SRCIN1: variants seen among roughly 807,000 people sequenced by gnomAD.
SRCIN1 encodes the protein P130Cas-associated protein.
A neutral mutation model predicts 116.2 loss-of-function variants in SRCIN1; 50 were observed. That is an observed-to-expected ratio of 0.43 (90% CI 0.34 to 0.54). SRCIN1 has a LOEUF of 0.54. Among genes scored for constraint, SRCIN1 ranks in the 20% least tolerant of loss-of-function variants. SRCIN1 has a pLI of 0.02. For synonymous variants in SRCIN1, 736 were observed against 750.0 expected, an observed-to-expected ratio of 0.98 and a Z score of 0.30; for missense variants, 1,446 against 1,672.0, an observed-to-expected ratio of 0.86 and a Z score of 2.36.
At chr17:38,588,545 G>A (rs540513643) in intron 1 of SRCIN1, among the ~76,000 whole-genome samples, 5 of 143,094 alleles carry the variant, frequency 3.5e-5, no homozygotes, top group African/African-American at 9.1e-5. Flanking sequence ...GAGGAAGGCC[G>A]GTGCCTGTCC....
intron 1 of SRCIN1, among the ~76,000 whole-genome samples, chr17:38,592,403 T>A (rs62077541): frequency 0.037 from 5,573 of 152,236 alleles, 103 homozygotes; most frequent in Non-Finnish European, 0.045. Context: ...AACCAGGTGG[T>A]CACCAGCCAC....
intron 18 of SRCIN1, among the ~76,000 whole-genome samples, chr17:38,537,594 A>C (rs1325148195): frequency 6.6e-6 from 1 of 152,040 alleles, no homozygotes; most frequent in Non-Finnish European, 1.5e-5. Context: ...GATCGAGACC[A>C]TCCTGGCTAA....
Position 38,604,368 on chromosome 17 carries a change from G to A in SRCIN1, c.22+1316C>T, listed in dbSNP as rs1909230426. On this transcript the variant is annotated intron_variant, in intron 1 of 18. Transcript: ENST00000617146. This position sits in a 1 kb window ranked among gnomAD's most constrained non-coding sequence, Gnocchi z 4.3. ...CAGAAACCCCCACCCCCAGCTCGGG[G>A]AGCCCACTTTCCTTAAAGTTGGGGT... 6.4e-6 allele frequency: 2 copies of A among 313,318 alleles called. No individual in the cohort carries two copies. Among genetic ancestry groups the A allele is most frequent in the Admixed American group, 9.2e-5 (2 of 21,856 alleles). 19.4% of individuals were successfully genotyped at this position (313,318 alleles called of 1,614,324 possible). A position where few individuals can be genotyped will look rare whatever the true frequency, so the allele number is the denominator to read the frequency against.
At position 38,584,427 on chromosome 17, in the gene SRCIN1, G is replaced by A. The variant is rs1159986237; in HGVS notation, c.23-5636C>T. On this transcript the variant is annotated intron_variant, in intron 1 of 18. Coordinates refer to ENST00000617146, the MANE Select transcript of SRCIN1 (RefSeq NM_025248.3). ...GAATCCGAATGAGGGGAAGGGCAGG[G>A]TGAGGAAGGCGGGTTCTGCCACCCT... 2.6e-5 allele frequency among the ~76,000 whole-genome samples: 4 copies of A among 152,250 alleles called. No individual in the cohort carries two copies. The East Asian group carries it at 7.7e-4, about 29-fold the overall frequency.
chr17:38,596,641 C>T (rs1182980810), intron 1 of SRCIN1, among the ~76,000 whole-genome samples: 1 of 152,084 alleles, frequency 6.6e-6, no homozygotes, highest in Non-Finnish European at 1.5e-5. Context: ...TGCCATCATT[C>T]CCCTGGTGAC....
Position 38,533,265 on chromosome 17 carries a change from G to T in SRCIN1, c.*32C>A. On this transcript the variant is annotated 3_prime_UTR_variant, in exon 19 of 19. Coordinates refer to ENST00000617146, the MANE Select transcript of SRCIN1 (RefSeq NM_025248.3). Reference sequence around the variant, plus strand: ...GGGAGAAATGGCAGGAGTGAGGGAGGGGGACAGGCGGGGCAGCGGGGTGAG... The same window carrying T: ...GGGAGAAATGGCAGGAGTGAGGGAGTGGGACAGGCGGGGCAGCGGGGTGAG... 6.5e-7 allele frequency: 1 copy of T among 1,531,706 alleles called. No individual in the cohort carries two copies. Among genetic ancestry groups the T allele is most frequent in the Non-Finnish European group, 8.8e-7 (1 of 1,135,126 alleles). 94.9% of individuals were successfully genotyped at this position (1,531,706 alleles called of 1,614,324 possible). A position where few individuals can be genotyped will look rare whatever the true frequency, so the allele number is the denominator to read the frequency against.
Position 38,563,312 on chromosome 17 carries a change from T to C in SRCIN1, c.740+11A>G. On this transcript the variant is annotated intron_variant, in intron 5 of 18. Coordinates refer to ENST00000617146, the MANE Select transcript of SRCIN1 (RefSeq NM_025248.3). This position sits in a 1 kb window ranked among gnomAD's most constrained non-coding sequence, Gnocchi z 5.8. ...GGAAGCCCACCCAAATCCCCCCCGG[T>C]CCACGCCCACCGGACGTCCTCCAGC... 6.4e-7 allele frequency: 1 copy of C among 1,564,702 alleles called. No homozygotes were observed. Among genetic ancestry groups the C allele is most frequent in the Non-Finnish European group, 8.7e-7 (1 of 1,154,292 alleles).
intron 1 of SRCIN1, among the ~76,000 whole-genome samples, chr17:38,598,231 G>T (rs1908826026): frequency 1.3e-5 from 2 of 152,112 alleles, no homozygotes; most frequent in East Asian, 3.9e-4. Flanking sequence ...CTGGTCACTG[G>T]GTGGGGTGGA....
At chr17:38,594,506 GA>G (rs1293194313) in intron 1 of SRCIN1, among the ~76,000 whole-genome samples, 1 of 152,152 alleles carries the variant, frequency 6.6e-6, no homozygotes, top group African/African-American at 2.4e-5. Context: ...CCTCTCCTAA[GA>G]AGGCAGGGCA....
Position 38,561,842 on chromosome 17 carries a change from C to A in SRCIN1, c.1321G>T (p.Ala441Ser). 1 of 1,473,938 alleles carries A rather than the reference C, an allele frequency of 6.8e-7. No homozygotes were observed. The highest frequency in any genetic ancestry group is 8.9e-7 in the Non-Finnish European group (1 of 1,122,062). 91.3% of individuals were successfully genotyped at this position (1,473,938 alleles called of 1,614,324 possible). The stretch of plus-strand genomic sequence containing the variant: ...TCCTCCAGATCGGACTGCAGCGCGG[C>A]GGCCGAGTAGGTGCTGAGCGAGCGC... Reference protein sequence around the residue: ...SVRSLSTYSAAALQSDLEDSL... With the variant: ...SVRSLSTYSASALQSDLEDSL... The change falls in exon 7 of 19, where the codon GCC becomes TCC. Residue 441 changes from alanine to serine, a missense_variant. Transcript: ENST00000617146.
rs1193247636 is a variant in SRCIN1 at position 38,572,147 on chromosome 17, C to T, written c.325-3916G>A. ...AGGGCAACCCACGGGTCCACACCGG[C>T]TCCTTAATCCCCTGGCTGTGCTGCA... On this transcript the variant is annotated intron_variant, in intron 2 of 18. Transcript: ENST00000617146. This position sits in a 1 kb window ranked among gnomAD's most constrained non-coding sequence, Gnocchi z 4.3. 6.6e-6 allele frequency among the ~76,000 whole-genome samples: 1 copy of T among 152,202 alleles called. No individual in the cohort carries two copies. The highest frequency in any genetic ancestry group is 1.5e-5 in the Non-Finnish European group (1 of 68,026).
Position 38,572,527 on chromosome 17 carries a change from G to A in SRCIN1, c.325-4296C>T, listed in dbSNP as rs1027971221. 1 of 152,114 alleles carries A rather than the reference G, an allele frequency of 6.6e-6. No individual in the cohort carries two copies. Among genetic ancestry groups the A allele is most frequent in the African/African-American group, 2.4e-5 (1 of 41,414 alleles). The allele number at this position is 152,114 out of a possible 1,614,324, so 9.4% of individuals were successfully genotyped here. A position where few individuals can be genotyped will look rare whatever the true frequency, so the allele number is the denominator to read the frequency against. On this transcript the variant is annotated intron_variant, in intron 2 of 18. Coordinates refer to ENST00000617146, the MANE Select transcript of SRCIN1 (RefSeq NM_025248.3). The surrounding 1 kb of genome is among the most constrained non-coding windows in gnomAD (Gnocchi z 4.3). ...GGGGAGGGGAGGAGGCGTTTCTCAG[G>A]GATCGGGAACCTGCAATGGCCTGGA... is the stretch of plus-strand genomic sequence containing the variant.
rs1007454745 is a variant in SRCIN1 at position 38,552,339 on chromosome 17, G to A, written c.2480+108C>T. The A allele has an allele frequency of 5.4e-5, 79 of 1,463,978 alleles. No homozygotes were observed. The East Asian group carries it at 9.3e-4, about 17-fold the overall frequency. 90.7% of individuals were successfully genotyped at this position (1,463,978 alleles called of 1,614,324 possible). On this transcript the variant is annotated intron_variant, in intron 13 of 18. Coordinates refer to ENST00000617146, the MANE Select transcript of SRCIN1 (RefSeq NM_025248.3). This position sits in a 1 kb window ranked among gnomAD's most constrained non-coding sequence, Gnocchi z 5.3. ...GCAGAGCTGAGGTGCCAGTCCAGTC[G>A]GCACGCCAGTGACCTTTGGGGGAGT... is the stretch of plus-strand genomic sequence containing the variant.
rs1170386246 is a variant in SRCIN1, at chr17:38,563,998, G to A, written c.541+120C>T. Reference sequence around the variant, plus strand: ...GGGTTGCTTGGGGAGAAGGGGCTGTGGGAAAGAGAGCAGAGCTTGAGGCGA... The same window carrying A: ...GGGTTGCTTGGGGAGAAGGGGCTGTAGGAAAGAGAGCAGAGCTTGAGGCGA... On this transcript the variant is annotated intron_variant, in intron 4 of 18. Transcript: ENST00000617146. This position sits in a 1 kb window ranked among gnomAD's most constrained non-coding sequence, Gnocchi z 5.8. The A allele has an allele frequency of 3.8e-5, 45 of 1,173,534 alleles. No individual in the cohort carries two copies. The highest frequency in any genetic ancestry group is 5.4e-5 in the Non-Finnish European group (45 of 832,600). The allele number at this position is 1,173,534 out of a possible 1,614,324, so 72.7% of individuals were successfully genotyped here. A position where few individuals can be genotyped will look rare whatever the true frequency, so the allele number is the denominator to read the frequency against.
chr17:38,558,356 G>C lies in SRCIN1; in HGVS notation c.2072C>G (p.Ala691Gly). 6 of 1,607,870 alleles carry C rather than the reference G, an allele frequency of 3.7e-6. No individual in the cohort carries two copies. Among genetic ancestry groups the C allele is most frequent in the Non-Finnish European group, 4.2e-6 (5 of 1,179,434 alleles). The change falls in exon 11 of 19, where the codon GCA (alanine) becomes GGA (glycine). Residue 691 changes from alanine (A) to glycine (G), a missense_variant. Ala to Gly is a moderately conservative substitution (Grantham distance 60). Transcript: ENST00000617146. This position sits in a 1 kb window ranked among gnomAD's most constrained non-coding sequence, Gnocchi z 4.6. ...SVRALLKRTE[A>G]ELSMRVSEAA... ...CTCCGACACGCGCATGCTCAGCTCT[G>C]CCTCCGTGCGCTTCAGCAGCGCGCG...
rs1416336541 is a variant in SRCIN1, at chr17:38,551,462, C to T, written c.2728-73G>A. The T allele has an allele frequency of 6.2e-6, 8 of 1,295,142 alleles. No homozygotes were observed. The Admixed American group carries it at 1.4e-4, about 23-fold the overall frequency. The allele number at this position is 1,295,142 out of a possible 1,614,324, so 80.2% of individuals were successfully genotyped here. On this transcript the variant is annotated intron_variant, in intron 14 of 18. Transcript: ENST00000617146. Reference sequence around the variant, plus strand: ...GGACCTCTGGGGCCTCAGCCTCCTCCCCCAAGCCACGTAGGCAAGGAATAG... The same window carrying T: ...GGACCTCTGGGGCCTCAGCCTCCTCTCCCAAGCCACGTAGGCAAGGAATAG...
rs956219300 is a variant in SRCIN1, at chr17:38,563,242, G to C, written c.740+81C>G. On this transcript the variant is annotated intron_variant, in intron 5 of 18. Transcript: ENST00000617146. The surrounding 1 kb of genome is among the most constrained non-coding windows in gnomAD (Gnocchi z 5.8). ...CTGAGGTCGGGTCAGGAAGGAGCTG[G>C]GGAAGGGCCGGCGGGGTCCAGCACC... 2.7e-6 allele frequency: 4 copies of C among 1,493,772 alleles called. No homozygotes were observed. Among genetic ancestry groups the C allele is most frequent in the African/African-American group, 2.8e-5 (2 of 71,552 alleles). 92.5% of individuals were successfully genotyped at this position (1,493,772 alleles called of 1,614,324 possible).
intron 3 of SRCIN1, among the ~76,000 whole-genome samples, chr17:38,566,840 G>A (rs1906716386): frequency 6.8e-6 from 1 of 146,710 alleles, no homozygotes; most frequent in South Asian, 2.2e-4. Context: ...ATCCTCTCGT[G>A]TTTTGTTTTG....
chr17:38,558,996 A>C lies in SRCIN1; in HGVS notation c.2025+589T>G. ...CCAAGCCTGAATGGCGGGGGTGGGC[A>C]AGATCTTACCCGTTGCCCAGATGGC... On this transcript the variant is annotated intron_variant, in intron 10 of 18. Transcript: ENST00000617146. This position sits in a 1 kb window ranked among gnomAD's most constrained non-coding sequence, Gnocchi z 4.6. 1.9e-5 allele frequency: 3 copies of C among 161,844 alleles called. No individual in the cohort carries two copies. The highest frequency in any genetic ancestry group is 6.1e-5 in the Admixed American group (1 of 16,278). The allele number at this position is 161,844 out of a possible 1,614,324, so 10.0% of individuals were successfully genotyped here.
Sources: allele counts gnomAD v4.1 joint callset (sites outside exome capture counted in the v4.1 genomes callset), GRCh38; gene constraint gnomAD v4.1.1; non-coding constraint Gnocchi (gnomAD v3.1); transcripts MANE v1.5; gene names NCBI Gene and HGNC (gene_info 2026-07-23, HGNC 2026-07-21).